SCN9A: variants seen among roughly 807,000 people sequenced by gnomAD.
SCN9A encodes the protein sodium channel protein type 9 subunit alpha.
SCN9A carries 131 observed loss-of-function variants against 187.0 expected under a neutral mutation model. The ratio of observed to expected loss-of-function variants is 0.70; its 90% CI spans 0.61 to 0.81. The LOEUF (loss-of-function observed/expected upper bound fraction) is 0.81. Among genes scored for constraint, SCN9A ranks in the 30% least tolerant of loss-of-function variants. The pLI is 0.00. For missense variants in SCN9A, 2,252 were observed against 2,396.6 expected, an observed-to-expected ratio of 0.94 and a Z score of 1.26; for synonymous variants, 809 against 808.6, an observed-to-expected ratio of 1.00 and a Z score of -0.01.
At chr2:166,363,716 C>A (rs781531817) in intron 1 of SCN9A, among the ~76,000 whole-genome samples, 1 of 151,858 alleles carries the variant, frequency 6.6e-6, no homozygotes, top group African/African-American at 2.4e-5. Context: ...GAATCACAGA[C>A]CTAAACGTCA....
At chr2:166,354,744 A>T (rs1190438208) in intron 1 of SCN9A, among the ~76,000 whole-genome samples, 2 of 152,190 alleles carry the variant, frequency 1.3e-5, no homozygotes, top group African/African-American at 2.4e-5. Context: ...GTACGCAAAT[A>T]ACAGGGAGAA....
chr2:166,277,292 C>T lies in SCN9A; in HGVS notation c.2565G>A (p.Leu855=), dbSNP rs1268900258. ...CTACTGAGTTACCAATGATCTTAAT[C>T]AGCATGTTCAATGTTGGCCAGGATT... ...LAKSWPTLNM[L]IKIIGNSVGA... The change falls in exon 16 of 27, where the codon CTG becomes CTA. Residue 855 remains leucine (L), a synonymous_variant. Transcript: ENST00000642356. 1 of 1,613,504 alleles carries T rather than the reference C, an allele frequency of 6.2e-7. No homozygotes were observed. The highest frequency in any genetic ancestry group is 8.5e-7 in the Non-Finnish European group (1 of 1,179,498).
intron 1 of SCN9A, among the ~76,000 whole-genome samples, chr2:166,364,355 G>T (rs537409772): frequency 1.1e-4 from 17 of 152,084 alleles, no homozygotes; most frequent in African/African-American, 4.1e-4. Flanking sequence ...TAATAGAAGG[G>T]ACGCATGTAG....
intron 1 of SCN9A, among the ~76,000 whole-genome samples, chr2:166,341,883 A>G (rs1699793774): frequency 6.6e-6 from 1 of 152,182 alleles, no homozygotes; most frequent in Admixed American, 6.5e-5. Flanking sequence ...CTGTCATTTC[A>G]TTCAGGAAAT....
chr2:166,312,480 C>T (rs1698991039), intron 1 of SCN9A, among the ~76,000 whole-genome samples: 1 of 152,152 alleles, frequency 6.6e-6, no homozygotes, highest in Non-Finnish European at 1.5e-5. Context: ...TTGGAATCAA[C>T]TCATTCCAAT....
chr2:166,306,326 T>C (rs1370322582), intron 4 of SCN9A, among the ~76,000 whole-genome samples, 184 bp downstream of exon 4: 1 of 152,106 alleles, frequency 6.6e-6, no homozygotes, highest in African/African-American at 2.4e-5. Flanking sequence ...CACTGTAGCA[T>C]CTAATTTTTC....
chr2:166,341,771 G>C (rs985414894), intron 1 of SCN9A, among the ~76,000 whole-genome samples: 20 of 152,120 alleles, frequency 1.3e-4, no homozygotes, highest in African/African-American at 4.8e-4. Flanking sequence ...AAAGGAAGAG[G>C]AATTGCTGTT....
chr2:166,210,911 A>G (rs1001503444), intron 24 of SCN9A, among the ~76,000 whole-genome samples: 8 of 152,078 alleles, frequency 5.3e-5, no homozygotes, highest in Non-Finnish European at 1.0e-4. Flanking sequence ...AATTACAAAA[A>G]TCAGCTGGGT....
chr2:166,295,742 C>T (rs1025067731), intron 7 of SCN9A, among the ~76,000 whole-genome samples: 1 of 152,128 alleles, frequency 6.6e-6, no homozygotes, highest in Non-Finnish European at 1.5e-5. Context: ...TTTCATTCAC[C>T]AGTCCATACT....
At chr2:166,307,616 CTTTA>C (rs1698801941) in intron 2 of SCN9A, among the ~76,000 whole-genome samples, 1 of 152,144 alleles carries the variant, frequency 6.6e-6, no homozygotes, top group Admixed American at 6.6e-5. Flanking sequence ...AGTTCAATTT[CTTTA>C]TTTTAGTTAT....
Position 166,198,516 on chromosome 2 carries a change from G to A in SCN9A, c.*156C>T, listed in dbSNP as rs967310742. The A allele has an allele frequency of 2.1e-5, 13 of 605,480 alleles. No homozygotes were observed. The highest frequency in any genetic ancestry group is 3.7e-5 in the Non-Finnish European group (13 of 347,848). The allele number at this position is 605,480 out of a possible 1,614,324, so 37.5% of individuals were successfully genotyped here. ...AGTGCAAAAATAACCATCTGCTAAT[G>A]CTGCCCACCTTTCTTAGGAAATCAG... On this transcript the variant is annotated 3_prime_UTR_variant, in exon 27 of 27. Coordinates refer to ENST00000642356, the MANE Select transcript of SCN9A (RefSeq NM_001365536.1).
rs186784826 is a variant in SCN9A, at chr2:166,366,000, G to A, written c.-51+9697C>T. Among the ~76,000 whole-genome samples the A allele has an allele frequency of 2.3e-3, 348 of 152,254 alleles. 1 individual carries two copies. The highest frequency in any genetic ancestry group is 3.5e-3 in the Non-Finnish European group (235 of 68,006). On this transcript the variant is annotated intron_variant, in intron 1 of 26. Coordinates refer to ENST00000642356, the MANE Select transcript of SCN9A (RefSeq NM_001365536.1). ...CCAGGAAGAGTATAAATGCTGAGAG[G>A]AGTGAGGTTGTGAGTTCTTGGAACT...
intron 15 of SCN9A, 74 bp from the exon 16 acceptor site, chr2:166,277,413 C>G: frequency 9.9e-7 from 1 of 1,005,104 alleles, no homozygotes; most frequent in Non-Finnish European, 1.5e-6. Flanking sequence ...GATTTTTGTT[C>G]AAAGGGTAAA....
At chr2:166,370,492 A>G (rs918905277) in intron 1 of SCN9A, among the ~76,000 whole-genome samples, 9 of 151,508 alleles carry the variant, frequency 5.9e-5, no homozygotes, top group South Asian at 2.1e-4. Flanking sequence ...GCAGTGAGCC[A>G]AGATCGCGCC....
At chr2:166,305,645 G>GA in intron 5 of SCN9A, 147 bp downstream of exon 5, 3 of 1,042,368 alleles carry the variant, frequency 2.9e-6, no homozygotes, top group Non-Finnish European at 4.2e-6. Context: ...GCCTATCAAT[G>GA]ACTAGCTTTC....
chr2:166,222,118 C>T (rs554513796), intron 24 of SCN9A, among the ~76,000 whole-genome samples: 2 of 151,984 alleles, frequency 1.3e-5, no homozygotes, highest in African/African-American at 4.8e-5. Context: ...ACAATTGAGA[C>T]CATATCAAAC....
In SCN9A at chr2:166,222,582, C is replaced by T. The variant is rs543443577; in HGVS notation, c.4398+3985G>A. On this transcript the variant is annotated intron_variant, in intron 24 of 26. Coordinates refer to ENST00000642356, the MANE Select transcript of SCN9A (RefSeq NM_001365536.1). ...GTCGGAGGTTGCAGTGAGCTGAGAT[C>T]GCGCCACTGCACTCCAGCCTGGTGA... 2.0e-5 allele frequency among the ~76,000 whole-genome samples: 3 copies of T among 151,714 alleles called. No individual in the cohort carries two copies. In the East Asian group the frequency reaches 5.8e-4, roughly 30 times the overall value.
At chr2:166,313,374 A>T (rs919976503) in intron 1 of SCN9A, among the ~76,000 whole-genome samples, 1 of 152,142 alleles carries the variant, frequency 6.6e-6, no homozygotes, top group African/African-American at 2.4e-5. Flanking sequence ...TCTGTTGTTT[A>T]ATGTAACCAC....
chr2:166,349,836 G>A (rs530483113), intron 1 of SCN9A, among the ~76,000 whole-genome samples: 2 of 152,186 alleles, frequency 1.3e-5, no homozygotes, highest in East Asian at 3.9e-4. Flanking sequence ...GCCAGGCGTG[G>A]TGGGGCATGC....
Sources: allele counts gnomAD v4.1 joint callset (sites outside exome capture counted in the v4.1 genomes callset), GRCh38; gene constraint gnomAD v4.1.1; transcripts MANE v1.5; gene names NCBI Gene and HGNC (gene_info 2026-07-23, HGNC 2026-07-21).